FMNL2: variants seen among roughly 807,000 people sequenced by gnomAD.
The protein encoded by FMNL2 is formin like 2.
A neutral mutation model predicts 130.2 loss-of-function variants in FMNL2; 51 were observed. The observed-to-expected ratio is 0.39, with a 90% CI of 0.31 to 0.49. The LOEUF is 0.49. FMNL2 is among the 20% of genes least tolerant of loss of function. The probability of loss-of-function intolerance (pLI) is 0.85; values close to 1 mark genes in which losing one functional copy is unlikely to be tolerated. For missense variants in FMNL2, 977 were observed against 1,316.2 expected, an observed-to-expected ratio of 0.74 and a Z score of 3.99; for synonymous variants, 465 against 467.1, an observed-to-expected ratio of 1.00 and a Z score of 0.06.
At position 152,390,309 on chromosome 2, in the gene FMNL2, A is replaced by G. The variant is rs1200556701; in HGVS notation, c.117+54589A>G. The G allele has an allele frequency of 1.5e-5, 19 of 1,268,724 alleles. No individual in the cohort carries two copies. The East Asian group carries it at 4.4e-4, about 29-fold the overall frequency. The allele number at this position is 1,268,724 out of a possible 1,614,324, so 78.6% of individuals were successfully genotyped here. A position where few individuals can be genotyped will look rare whatever the true frequency, so the allele number is the denominator to read the frequency against. ...AGCAATCATCGATGGGGAGCTCTAC[A>G]ACGAAGTGAAGGTAGGGGAGAGCTC... On this transcript the variant is annotated intron_variant, in intron 1 of 25. Transcript: ENST00000288670.
rs561234800 is a variant in FMNL2 at position 152,476,578 on chromosome 2, G to A, written c.118-45365G>A. Reference sequence around the variant, plus strand: ...GTCCCAGCTAGTCAGGAGGCTGAAGGGGGAAGATCAGTTGAGCCTGGGAGG... The same window carrying A: ...GTCCCAGCTAGTCAGGAGGCTGAAGAGGGAAGATCAGTTGAGCCTGGGAGG... On this transcript the variant is annotated intron_variant, in intron 1 of 25. Transcript: ENST00000288670. Among the ~76,000 whole-genome samples, 6 of 152,160 alleles carry A rather than the reference G, an allele frequency of 3.9e-5. No individual in the cohort carries two copies. In the South Asian group the frequency reaches 1.2e-3, roughly 32 times the overall value.
intron 2 of FMNL2, among the ~76,000 whole-genome samples, chr2:152,535,338 C>T (rs1693937964): frequency 6.6e-6 from 1 of 152,206 alleles, no homozygotes; most frequent in South Asian, 2.1e-4. Context: ...CTGTGCACTG[C>T]CTGCCTTCCA....
chr2:152,640,193 C>A, intron 24 of FMNL2, 137 bp downstream of exon 24: 1 of 659,908 alleles, frequency 1.5e-6, no homozygotes, highest in Non-Finnish European at 2.5e-6. Context: ...GGACACTTGG[C>A]AAATGGAAAT....
At position 152,520,356 on chromosome 2, in the gene FMNL2, G is replaced by A. The variant is rs898286959; in HGVS notation, c.118-1587G>A. ...CGCCTGTAATCCCCGCACTTTGGGA[G>A]GCCGAGGCGGGCGGATCATCCAGGG... On this transcript the variant is annotated intron_variant, in intron 1 of 25. Transcript: ENST00000288670. Among the ~76,000 whole-genome samples the A allele has an allele frequency of 5.5e-4, 84 of 152,198 alleles. 1 individual carries two copies. The highest frequency in any genetic ancestry group is 1.5e-3 in the East Asian group (8 of 5,180).
At chr2:152,582,632 G>A (rs1696857335) in intron 9 of FMNL2, among the ~76,000 whole-genome samples, 1 of 152,030 alleles carries the variant, frequency 6.6e-6, no homozygotes, top group Non-Finnish European at 1.5e-5. Flanking sequence ...AAGAATGTAC[G>A]AATGCTTGTC....
chr2:152,444,984 C>T (rs970516441), intron 1 of FMNL2, among the ~76,000 whole-genome samples: 1 of 152,244 alleles, frequency 6.6e-6, no homozygotes, highest in Non-Finnish European at 1.5e-5. Flanking sequence ...TCGTTCTCCT[C>T]TGGCAAAGCC....
intron 1 of FMNL2, among the ~76,000 whole-genome samples, chr2:152,395,485 G>A (rs1363905910): frequency 1.3e-5 from 2 of 152,148 alleles, no homozygotes; most frequent in Non-Finnish European, 2.9e-5. Context: ...TTCCCATTTT[G>A]TGTCTCCACA....
chr2:152,338,820 T>TACACACACACACACAC (rs58367779), intron 1 of FMNL2, among the ~76,000 whole-genome samples: 7,518 of 148,666 alleles, frequency 0.051, 232 homozygotes, highest in Non-Finnish European at 0.068. Context: ...GAAGGTGAGA[T>TACACACACACACACAC]ACACACACAC....
intron 1 of FMNL2, among the ~76,000 whole-genome samples, chr2:152,433,570 G>C (rs1332132516): frequency 6.6e-6 from 1 of 152,154 alleles, no homozygotes; most frequent in Non-Finnish European, 1.5e-5. Context: ...TGGACATCAG[G>C]GTTGGTCTGA....
chr2:152,470,782 G>T (rs79656919), intron 1 of FMNL2, among the ~76,000 whole-genome samples: 10 of 152,296 alleles, frequency 6.6e-5, no homozygotes, highest in South Asian at 2.1e-4. Context: ...GGAGTGAATC[G>T]TATGTTCTGG....
At chr2:152,548,268 C>G (rs1370264625) in intron 3 of FMNL2, among the ~76,000 whole-genome samples, 1 of 152,222 alleles carries the variant, frequency 6.6e-6, no homozygotes, top group African/African-American at 2.4e-5. Context: ...CCTGAGACTG[C>G]TATGCTTAGC....
At chr2:152,485,395 G>A (rs1690763923) in intron 1 of FMNL2, among the ~76,000 whole-genome samples, 1 of 152,140 alleles carries the variant, frequency 6.6e-6, no homozygotes, top group Non-Finnish European at 1.5e-5. Flanking sequence ...GAAGGCTGAG[G>A]CAGGAGAATC....
intron 1 of FMNL2, among the ~76,000 whole-genome samples, chr2:152,395,171 C>T (rs6736856): frequency 0.51 from 77,620 of 152,072 alleles, 21,199 homozygotes; most frequent in South Asian, 0.67. Flanking sequence ...TGCAGAAGTC[C>T]TGCTCCGGTC....
intron 6 of FMNL2, among the ~76,000 whole-genome samples, chr2:152,563,819 C>T (rs1054823886): frequency 6.6e-6 from 1 of 152,134 alleles, no homozygotes; most frequent in Non-Finnish European, 1.5e-5. Context: ...AGATTGGTTT[C>T]TCTGCCTGAG....
intron 1 of FMNL2, among the ~76,000 whole-genome samples, chr2:152,429,535 G>T (rs1361761116): frequency 1.3e-5 from 2 of 151,970 alleles, no homozygotes; most frequent in African/African-American, 4.8e-5. Context: ...CTGACTTGCA[G>T]TAAAGAACTG....
chr2:152,612,979 G>A (rs1226712872), intron 11 of FMNL2, among the ~76,000 whole-genome samples: 1 of 152,184 alleles, frequency 6.6e-6, no homozygotes, highest in Non-Finnish European at 1.5e-5. Context: ...TGCACAGACT[G>A]TACCCTCAGT....
intron 21 of FMNL2, among the ~76,000 whole-genome samples, chr2:152,632,692 G>C (rs1559026634): frequency 6.6e-6 from 1 of 152,128 alleles, no homozygotes; most frequent in Non-Finnish European, 1.5e-5. Context: ...ATTTTTCGAG[G>C]TTAAATGTCT....
At position 152,649,622 on chromosome 2, in the gene FMNL2, C is replaced by G. The variant is rs1274473032; in HGVS notation, c.*1717C>G. The G allele has an allele frequency of 1.4e-4, 21 of 152,596 alleles. No homozygotes were observed. The highest frequency in any genetic ancestry group is 1.4e-3 in the Admixed American group (21 of 15,276). 9.5% of individuals were successfully genotyped at this position (152,596 alleles called of 1,614,324 possible). A position where few individuals can be genotyped will look rare whatever the true frequency, so the allele number is the denominator to read the frequency against. On this transcript the variant is annotated 3_prime_UTR_variant, in exon 26 of 26. Coordinates refer to ENST00000288670, the MANE Select transcript of FMNL2 (RefSeq NM_052905.4). ...CTTCCACTACAAAGCAGCTGTTTTC[C>G]AAAGTTCAATGCTGACATATATGTA...
intron 1 of FMNL2, among the ~76,000 whole-genome samples, chr2:152,372,281 T>C (rs1019067400): frequency 1.3e-5 from 2 of 152,232 alleles, no homozygotes; most frequent in African/African-American, 4.8e-5. Flanking sequence ...GAGGTCCATC[T>C]AAGGAGAGTC....
Sources: allele counts gnomAD v4.1 joint callset (sites outside exome capture counted in the v4.1 genomes callset), GRCh38; gene constraint gnomAD v4.1.1; transcripts MANE v1.5; gene names NCBI Gene and HGNC (gene_info 2026-07-23, HGNC 2026-07-21).